Variants in APBA2 observed in about 807,000 individuals in gnomAD.
APBA2 encodes amyloid-beta A4 precursor protein-binding family A member 2.
Under a neutral mutation model 75.0 loss-of-function variants are expected in APBA2, and 30 were observed. That is an observed-to-expected ratio of 0.40 (90% CI 0.30 to 0.54). APBA2 has a LOEUF of 0.54. Ranked by LOEUF, APBA2 falls within the 20% of genes least tolerant of loss-of-function variation. The pLI is 0.49. For missense variants in APBA2, 801 were observed against 1,016.1 expected (o/e 0.79, Z 2.88); for synonymous variants, 444 against 409.6 (o/e 1.08, Z -1.01).
At position 29,048,422 on chromosome 15, in the gene APBA2, G is replaced by T. The variant is rs58832912; in HGVS notation, c.-40-5423G>T. On this transcript the variant is annotated intron_variant, in intron 3 of 14. Coordinates refer to ENST00000683413, the MANE Select transcript of APBA2 (RefSeq NM_001353788.2). ...GCCAAAATTTCAGTGGAATATTGGG[G>T]ATACTTGGAACCACTAACTCTTAAG... 6.1e-3 allele frequency among the ~76,000 whole-genome samples: 932 copies of T among 152,298 alleles called. 10 individuals are homozygous for T. Among genetic ancestry groups the T allele is most frequent in the African/African-American group, 0.021 (878 of 41,548 alleles).
chr15:28,945,292 A>AC (rs5811551), intron 2 of APBA2, among the ~76,000 whole-genome samples: 18,784 of 152,094 alleles, frequency 0.12, 2,328 homozygotes, highest in East Asian at 0.33. Context: ...TCTCAGGGTG[A>AC]CCTTGGCCAC....
chr15:29,113,898 G>A lies in APBA2; in HGVS notation c.2060G>A (p.Gly687Asp). 1 of 1,612,506 alleles carries A rather than the reference G, an allele frequency of 6.2e-7. No individual in the cohort carries two copies. Among genetic ancestry groups the A allele is most frequent in the South Asian group, 1.1e-5 (1 of 91,084 alleles). The change falls in exon 14 of 15, where the codon GGC (glycine) becomes GAC (aspartate). Residue 687 changes from glycine (G) to aspartate (D), a missense_variant. This residue lies in a region of APBA2 where 367 missense variants were observed against 544.5 expected (regional missense o/e 0.67). Transcript: ENST00000683413. ...TAGATCTGCAGCCTCATGAGAGGGG[G>A]CATTGCTGAGCGAGGGGGCGTCCGT... Reference protein sequence around the residue: ...NGIICSLMRGGIAERGGVRVG... With the variant: ...NGIICSLMRGDIAERGGVRVG...
chr15:28,973,757 T>G (rs2037193434), intron 2 of APBA2, among the ~76,000 whole-genome samples: 1 of 152,134 alleles, frequency 6.6e-6, no homozygotes, highest in South Asian at 2.1e-4. Flanking sequence ...AAATAATAGT[T>G]GGAGTAGGAA....
chr15:29,036,200 C>A (rs1406311758), intron 3 of APBA2, among the ~76,000 whole-genome samples: 1 of 152,124 alleles, frequency 6.6e-6, no homozygotes, highest in Non-Finnish European at 1.5e-5. Context: ...GGCCTCAGTG[C>A]CTGACAGATG....
In APBA2 at chr15:29,116,921, C is replaced by A. The variant is rs542155169; in HGVS notation, c.2179-141C>A. 108 of 883,986 alleles carry A rather than the reference C, an allele frequency of 1.2e-4. No individual in the cohort carries two copies. In the East Asian group the frequency reaches 2.6e-3, roughly 21 times the overall value. The allele number at this position is 883,986 out of a possible 1,614,324, so 54.8% of individuals were successfully genotyped here. A position where few individuals can be genotyped will look rare whatever the true frequency, so the allele number is the denominator to read the frequency against. On this transcript the variant is annotated intron_variant, in intron 14 of 14. Coordinates refer to ENST00000683413, the MANE Select transcript of APBA2 (RefSeq NM_001353788.2). ...CATCATAAGTGTCCCCAGGCCTGGG[C>A]AGGCTGGCCTTCCTCCTTCACTCTA...
chr15:28,983,944 TCTGCC>T (rs959083983), intron 2 of APBA2, among the ~76,000 whole-genome samples: 64 of 152,096 alleles, frequency 4.2e-4, no homozygotes, highest in Non-Finnish European at 6.6e-4. Context: ...CTAGAAGACC[TCTGCC>T]CTGCCCTGCC....
chr15:29,003,528 A>G (rs1256191416), intron 3 of APBA2, among the ~76,000 whole-genome samples: 2 of 152,100 alleles, frequency 1.3e-5, no homozygotes, highest in Admixed American at 6.5e-5. Flanking sequence ...CGGAGTCTCT[A>G]TGGAGGTGGA....
intron 10 of APBA2, among the ~76,000 whole-genome samples, chr15:29,102,931 A>G (rs1220048563): frequency 7.1e-6 from 1 of 141,776 alleles, no homozygotes; most frequent in Non-Finnish European, 1.6e-5. Context: ...TGGCTGGCGC[A>G]GTCATCTTCT....
chr15:29,065,144 G>A (rs1039627053), intron 4 of APBA2, among the ~76,000 whole-genome samples: 12 of 152,076 alleles, frequency 7.9e-5, no homozygotes, highest in Non-Finnish European at 1.2e-4. Context: ...GTCCACGTGC[G>A]TCTGCTTCTT....
chr15:29,088,893 G>A (rs995588820), intron 6 of APBA2, among the ~76,000 whole-genome samples: 2 of 152,162 alleles, frequency 1.3e-5, no homozygotes, highest in African/African-American at 4.8e-5. Flanking sequence ...ATCTTCTAAG[G>A]TGTCATTGTC....
At position 29,012,207 on chromosome 15, in the gene APBA2, A is replaced by G. The variant is rs546757883; in HGVS notation, c.-41+16401A>G. ...TGTCCTTTTGCTGTTCCAGGATTCT[A>G]TTAGGAGACTGCTTTGAGTTCAGTT... is the stretch of plus-strand genomic sequence containing the variant. On this transcript the variant is annotated intron_variant, in intron 3 of 14. Transcript: ENST00000683413. 9.8e-5 allele frequency among the ~76,000 whole-genome samples: 15 copies of G among 152,306 alleles called. No homozygotes were observed. In the South Asian group the frequency reaches 2.7e-3, roughly 27 times the overall value.
chr15:29,011,619 A>G (rs1184621405), intron 3 of APBA2, among the ~76,000 whole-genome samples: 1 of 152,186 alleles, frequency 6.6e-6, no homozygotes, highest in East Asian at 1.9e-4. Context: ...CTTTCGATAT[A>G]TTCATGAGGA....
intron 3 of APBA2, among the ~76,000 whole-genome samples, chr15:29,023,192 G>C (rs1182721425): frequency 6.6e-6 from 1 of 152,042 alleles, no homozygotes; most frequent in East Asian, 1.9e-4. Flanking sequence ...ATGTCTCTTT[G>C]TGTTTGTACT....
At chr15:29,109,474 CAG>C (rs1305357730) in intron 13 of APBA2, among the ~76,000 whole-genome samples, 1 of 152,230 alleles carries the variant, frequency 6.6e-6, no homozygotes, top group Non-Finnish European at 1.5e-5. Flanking sequence ...CAAAGCCACT[CAG>C]GGGCCCAGGC....
chr15:28,899,800 A>T (rs1170202195), intron 1 of APBA2, among the ~76,000 whole-genome samples: 2 of 152,146 alleles, frequency 1.3e-5, no homozygotes, highest in Non-Finnish European at 2.9e-5. Context: ...TGTGTGTTGG[A>T]TCGGATAATA....
chr15:28,950,483 C>T (rs559869049), intron 2 of APBA2, among the ~76,000 whole-genome samples: 1 of 152,160 alleles, frequency 6.6e-6, no homozygotes, highest in East Asian at 1.9e-4. Context: ...AAAAATTAGC[C>T]AGGCGTGGTG....
In APBA2 at chr15:28,991,155, T is replaced by A. The variant is rs2038207463; in HGVS notation, c.-94-4598T>A. On this transcript the variant is annotated intron_variant, in intron 2 of 14. Transcript: ENST00000683413. This position sits in a 1 kb window ranked among gnomAD's most constrained non-coding sequence, Gnocchi z 4.7. ...ATTTTACTTGTAAAGAGCACTTTGG[T>A]ATCCACCCCAAGGGCCCTCCTCTGC... 6.6e-6 allele frequency among the ~76,000 whole-genome samples: 1 copy of A among 152,162 alleles called. No individual in the cohort carries two copies. Among genetic ancestry groups the A allele is most frequent in the Non-Finnish European group, 1.5e-5 (1 of 68,022 alleles).
intron 2 of APBA2, among the ~76,000 whole-genome samples, chr15:28,949,326 A>G (rs2152719509): frequency 6.6e-6 from 1 of 152,334 alleles, no homozygotes; most frequent in African/African-American, 2.4e-5. Flanking sequence ...CAGTGGAGGC[A>G]GCAAGTCAGG....
intron 3 of APBA2, among the ~76,000 whole-genome samples, chr15:29,026,800 A>G (rs2040244650): frequency 6.6e-6 from 1 of 151,756 alleles, no homozygotes; most frequent in East Asian, 1.9e-4. Flanking sequence ...GGGCGCCCAT[A>G]CTCCCAGCTA....
Sources: allele counts gnomAD v4.1 joint callset (sites outside exome capture counted in the v4.1 genomes callset), GRCh38; gene constraint gnomAD v4.1.1; regional missense constraint gnomAD v4.1.1; non-coding constraint Gnocchi (gnomAD v3.1); transcripts MANE v1.5; gene names NCBI Gene and HGNC (gene_info 2026-07-23, HGNC 2026-07-21).